POLN: variants seen among roughly 807,000 people sequenced by gnomAD.
The protein encoded by POLN is DNA polymerase N.
In POLN, 108 loss-of-function variants were observed where a neutral mutation model predicts 113.5. The ratio of observed to expected loss-of-function variants is 0.95; its 90% CI spans 0.81 to 1.12. The LOEUF (loss-of-function observed/expected upper bound fraction) is 1.12, where lower values mean the gene tolerates loss of function less well. Among genes scored for constraint, POLN ranks in the 50% most tolerant of loss-of-function variants. POLN has a pLI of 0.00. For synonymous variants in POLN, 386 were observed against 391.5 expected, an observed-to-expected ratio of 0.99 and a Z score of 0.17; for missense variants, 1,097 against 1,077.1, an observed-to-expected ratio of 1.02 and a Z score of -0.26.
Position 2,111,436 on chromosome 4 carries a change from G to C in POLN, c.1983-15503C>G, listed in dbSNP as rs1473314960. ...AATAAAGGGCATTCAATTAGGAAAAGAGGAAGTCAAATTGCCCCTGTTTGC... is the reference window on the plus strand; with the variant it reads ...AATAAAGGGCATTCAATTAGGAAAACAGGAAGTCAAATTGCCCCTGTTTGC... On this transcript the variant is annotated intron_variant, in intron 19 of 25. Coordinates refer to ENST00000511885, the MANE Select transcript of POLN (RefSeq NM_181808.4). 2.0e-5 allele frequency among the ~76,000 whole-genome samples: 3 copies of C among 152,298 alleles called. No homozygotes were observed. In the East Asian group the frequency reaches 5.8e-4, roughly 29 times the overall value.
At chr4:2,089,828 A>G (rs1289488312) in intron 20 of POLN, 3 of 853,964 alleles carry the variant, frequency 3.5e-6, no homozygotes, top group Non-Finnish European at 5.7e-6. Context: ...AGTCTCAACA[A>G]ATCAGCATCT....
intron 16 of POLN, among the ~76,000 whole-genome samples, chr4:2,153,258 G>T (rs968644907): frequency 2.0e-5 from 3 of 152,176 alleles, no homozygotes; most frequent in Non-Finnish European, 2.9e-5. Context: ...AGATATATAT[G>T]GGCCTATATG....
intron 19 of POLN, among the ~76,000 whole-genome samples, chr4:2,098,359 C>T (rs1272575397): frequency 6.6e-6 from 1 of 152,120 alleles, no homozygotes; most frequent in Non-Finnish European, 1.5e-5. Flanking sequence ...GTTGAGGCTG[C>T]AGTGAGCCAT....
At chr4:2,087,599 A>G (rs1730579104) in intron 20 of POLN, among the ~76,000 whole-genome samples, 1 of 152,168 alleles carries the variant, frequency 6.6e-6, no homozygotes, top group Admixed American at 6.5e-5. Flanking sequence ...TCATTTATTA[A>G]GAGCATATTT....
chr4:2,081,038 T>C lies in POLN; in HGVS notation c.2309-2A>G. On this transcript the variant is annotated splice_acceptor_variant, in intron 22 of 25. Coordinates refer to ENST00000511885, the MANE Select transcript of POLN (RefSeq NM_181808.4). LOFTEE classifies it high-confidence loss of function. Reference sequence around the variant, plus strand: ...GCTTGCAGAGGTCAGCAGCGGAGCCTATGGGGCGCGTGGTACTGTCTTGAG... The same window carrying C: ...GCTTGCAGAGGTCAGCAGCGGAGCCCATGGGGCGCGTGGTACTGTCTTGAG... 6.2e-7 allele frequency: 1 copy of C among 1,613,600 alleles called. No homozygotes were observed. The highest frequency in any genetic ancestry group is 8.5e-7 in the Non-Finnish European group (1 of 1,179,960).
chr4:2,142,616 T>A, intron 16 of POLN, among the ~76,000 whole-genome samples: 1 of 152,112 alleles, frequency 6.6e-6, no homozygotes, highest in East Asian at 1.9e-4. Flanking sequence ...TTGCCTAATG[T>A]GTCCCAGACA....
chr4:2,212,983 T>C, intron 4 of POLN, 64 bp downstream of exon 4: 1 of 1,189,548 alleles, frequency 8.4e-7, no homozygotes, highest in Non-Finnish European at 1.2e-6. Flanking sequence ...GTAGAACACT[T>C]AATAAGCATC....
chr4:2,235,921 T>C (rs1198048774), intron 2 of POLN, among the ~76,000 whole-genome samples: 3 of 152,332 alleles, frequency 2.0e-5, no homozygotes, highest in African/African-American at 7.2e-5. Context: ...GGCAATCCTG[T>C]GTTTGCTAAG....
intron 3 of POLN, among the ~76,000 whole-genome samples, chr4:2,215,577 G>A (rs969115636): frequency 3.3e-5 from 5 of 152,168 alleles, no homozygotes; most frequent in Non-Finnish European, 7.3e-5. Context: ...TCACTCCTGG[G>A]GAAGGGGTGG....
rs574477706 is a variant in POLN, at chr4:2,132,376, C to A, written c.1732-1086G>T. On this transcript the variant is annotated intron_variant, in intron 16 of 25. Coordinates refer to ENST00000511885, the MANE Select transcript of POLN (RefSeq NM_181808.4). ...TCAAAATACAATATCAAATTGTGTT[C>A]TCTTAGTTCCTAGAGAAAAGAAAGA... 3.3e-5 allele frequency among the ~76,000 whole-genome samples: 5 copies of A among 152,236 alleles called. No individual in the cohort carries two copies. The South Asian group carries it at 1.0e-3, about 32-fold the overall frequency.
intron 7 of POLN, among the ~76,000 whole-genome samples, chr4:2,187,212 C>T (rs1405011573): frequency 6.6e-6 from 1 of 151,712 alleles, no homozygotes; most frequent in African/African-American, 2.4e-5. Flanking sequence ...AAAATAATAA[C>T]AGAAAACTTC....
chr4:2,128,422 G>A (rs34006217), intron 18 of POLN, among the ~76,000 whole-genome samples, 195 bp from the exon 19 acceptor site: 1,609 of 152,316 alleles, frequency 0.011, 31 homozygotes, highest in African/African-American at 0.037. Flanking sequence ...GCAAGGTGAG[G>A]AGGCTCAGGA....
intron 4 of POLN, among the ~76,000 whole-genome samples, chr4:2,209,263 C>G (rs935026992): frequency 1.3e-5 from 2 of 152,112 alleles, no homozygotes; most frequent in Admixed American, 1.3e-4. Flanking sequence ...TGGCGGATCA[C>G]AAGGTCAACA....
intron 19 of POLN, among the ~76,000 whole-genome samples, 197 bp from the exon 20 acceptor site, chr4:2,096,130 C>T (rs999803513): frequency 3.9e-5 from 6 of 152,214 alleles, no homozygotes; most frequent in Admixed American, 2.6e-4. Flanking sequence ...ATGCCTTCGG[C>T]GAGGCTGCAG....
chr4:2,082,276 G>A (rs2108690090), intron 21 of POLN, among the ~76,000 whole-genome samples: 1 of 152,268 alleles, frequency 6.6e-6, no homozygotes, highest in South Asian at 2.1e-4. Flanking sequence ...TCTCAGCTCT[G>A]TACTCTCCTG....
chr4:2,220,016 T>C (rs1734216684), intron 3 of POLN, among the ~76,000 whole-genome samples: 1 of 152,128 alleles, frequency 6.6e-6, no homozygotes, highest in Admixed American at 6.5e-5. Flanking sequence ...TGCTTGTATA[T>C]GGCCAGTTAG....
chr4:2,114,173 A>G (rs1469477771), intron 19 of POLN, among the ~76,000 whole-genome samples: 1 of 152,040 alleles, frequency 6.6e-6, no homozygotes, highest in Non-Finnish European at 1.5e-5. Context: ...TGCTGGGATT[A>G]CAGGCATGAG....
Position 2,171,116 on chromosome 4 carries a change from G to C in POLN, c.1440C>G (p.Ser480Arg). 1 of 1,613,254 alleles carries C rather than the reference G, an allele frequency of 6.2e-7. No individual in the cohort carries two copies. Among genetic ancestry groups the C allele is most frequent in the Non-Finnish European group, 8.5e-7 (1 of 1,179,782 alleles). ...FVAGERFLIT[S>R]NNQLREILFG... The stretch of plus-strand genomic sequence containing the variant: ...GCTTTACCTCTCGAAGCTGGTTATT[G>C]CTCGTTATAAGAAACCGTTCTCCTG... The change falls in exon 12 of 26, where the codon AGC becomes AGG. Residue 480 changes from serine (S) to arginine (R), a missense_variant. Ser to Arg is a moderately radical substitution (Grantham distance 110, BLOSUM62 -1). Transcript: ENST00000511885.
At chr4:2,101,567 C>T (rs1577692749) in intron 19 of POLN, among the ~76,000 whole-genome samples, 1 of 152,202 alleles carries the variant, frequency 6.6e-6, no homozygotes, top group African/African-American at 2.4e-5. Context: ...CTTAACCCTC[C>T]CCAGTCCTGC....
Sources: gnomAD v4.1 joint callset for allele counts (sites outside exome capture counted in the v4.1 genomes callset) on GRCh38, gnomAD v4.1.1 for gene constraint, MANE v1.5 for transcripts, NCBI Gene and HGNC (gene_info 2026-07-23, HGNC 2026-07-21) for gene names.